LMBR1: variants seen among roughly 807,000 people sequenced by gnomAD.
LMBR1 encodes the protein limb development membrane protein 1.
In LMBR1, 52 loss-of-function variants were observed where a neutral mutation model predicts 73.9. That is an observed-to-expected ratio of 0.70 (90% CI 0.56 to 0.89). The LOEUF is 0.89. LMBR1 is among the 40% of genes least tolerant of loss of function. The probability of loss-of-function intolerance (pLI) is 0.00; values close to 1 mark genes in which losing one functional copy is unlikely to be tolerated. For synonymous variants in LMBR1, 215 were observed against 209.4 expected, an observed-to-expected ratio of 1.03 and a Z score of -0.23; for missense variants, 539 against 579.8, an observed-to-expected ratio of 0.93 and a Z score of 0.72.
At chr7:156,700,158 G>A (rs1260455653) in intron 15 of LMBR1, among the ~76,000 whole-genome samples, 12 of 152,144 alleles carry the variant, frequency 7.9e-5, no homozygotes, top group African/African-American at 2.2e-4. Context: ...GTCCAGCAAC[G>A]ATAGACTGGA....
chr7:156,756,959 G>A (rs1024391833), intron 8 of LMBR1, among the ~76,000 whole-genome samples: 2 of 152,114 alleles, frequency 1.3e-5, no homozygotes, highest in African/African-American at 4.8e-5. Context: ...TGGAACTACA[G>A]GCACACACAA....
At chr7:156,798,975 C>T (rs1481885379) in intron 4 of LMBR1, among the ~76,000 whole-genome samples, 1 of 151,022 alleles carries the variant, frequency 6.6e-6, no homozygotes, top group African/African-American at 2.4e-5. Flanking sequence ...AGGCAGATTA[C>T]GAGGTCAGGA....
chr7:156,697,952 T>A (rs776592655), intron 15 of LMBR1, among the ~76,000 whole-genome samples: 1 of 152,318 alleles, frequency 6.6e-6, no homozygotes, highest in Admixed American at 6.5e-5. Context: ...TCTTCACAAT[T>A]TATGTTCCTC....
At chr7:156,702,732 ATG>A (rs1810059850) in intron 15 of LMBR1, among the ~76,000 whole-genome samples, 1 of 152,240 alleles carries the variant, frequency 6.6e-6, no homozygotes, top group Non-Finnish European at 1.5e-5. Context: ...CTCTTAGCAT[ATG>A]ATCCAAGAAA....
intron 9 of LMBR1, among the ~76,000 whole-genome samples, chr7:156,734,971 G>A (rs1817574942): frequency 6.6e-6 from 1 of 152,174 alleles, no homozygotes; most frequent in Non-Finnish European, 1.5e-5. Context: ...TCAATTATAT[G>A]TCCAAGTTGA....
chr7:156,880,516 A>T (rs548191232), intron 1 of LMBR1, among the ~76,000 whole-genome samples: 5 of 149,262 alleles, frequency 3.3e-5, no homozygotes, highest in African/African-American at 7.4e-5. Flanking sequence ...ATTTAAAAAT[A>T]AAAAAAAAAG....
Position 156,715,890 on chromosome 7 carries a change from T to C in LMBR1, c.1225+8222A>G, listed in dbSNP as rs961008479. On this transcript the variant is annotated intron_variant, in intron 15 of 16. Transcript: ENST00000353442. ...TTGTAATGGTCTTTTAAAATATTAA[T>C]AGCAAACCAAAATATTTGGTCAGAA... is the stretch of plus-strand genomic sequence containing the variant. Among the ~76,000 whole-genome samples, 4 of 152,272 alleles carry C rather than the reference T, an allele frequency of 2.6e-5. No homozygotes were observed. In the East Asian group the frequency reaches 5.8e-4, roughly 22 times the overall value.
At chr7:156,853,203 G>C (rs950777835) in intron 1 of LMBR1, among the ~76,000 whole-genome samples, 1 of 152,110 alleles carries the variant, frequency 6.6e-6, no homozygotes, top group Non-Finnish European at 1.5e-5. Context: ...CTCCCAAAGT[G>C]CTGGAATTAC....
Position 156,724,186 on chromosome 7 carries a change from G to A in LMBR1, c.1159-8C>T. 1 of 1,605,076 alleles carries A rather than the reference G, an allele frequency of 6.2e-7. No homozygotes were observed. Among genetic ancestry groups the A allele is most frequent in the Non-Finnish European group, 8.5e-7 (1 of 1,174,162 alleles). On this transcript the variant is annotated splice_polypyrimidine_tract_variant and splice_region_variant and intron_variant, in intron 14 of 16. Transcript: ENST00000353442. Reference sequence around the variant, plus strand: ...CACACAATTTCCAATGATCTGTTATGAGAAACGAGAAAGAATATTGGGCAG... The same window carrying A: ...CACACAATTTCCAATGATCTGTTATAAGAAACGAGAAAGAATATTGGGCAG...
intron 1 of LMBR1, among the ~76,000 whole-genome samples, chr7:156,860,951 T>G (rs908417442): frequency 6.6e-6 from 1 of 152,216 alleles, no homozygotes; most frequent in African/African-American, 2.4e-5. Context: ...TAGCATTGAG[T>G]GTCTGCAGCT....
intron 4 of LMBR1, among the ~76,000 whole-genome samples, chr7:156,804,641 T>C (rs1831665567): frequency 6.6e-6 from 1 of 152,202 alleles, no homozygotes; most frequent in Non-Finnish European, 1.5e-5. Flanking sequence ...TTGCCATCTA[T>C]TCATGTCTTT....
intron 15 of LMBR1, among the ~76,000 whole-genome samples, chr7:156,720,683 A>C (rs1814359610): frequency 6.6e-6 from 1 of 151,578 alleles, no homozygotes; most frequent in Non-Finnish European, 1.5e-5. Context: ...AAAGTTAATA[A>C]TAATAAGTCA....
chr7:156,882,013 T>G (rs1425772054), intron 1 of LMBR1, among the ~76,000 whole-genome samples: 1 of 152,224 alleles, frequency 6.6e-6, no homozygotes, highest in Admixed American at 6.5e-5. Flanking sequence ...CTCAAAGAGA[T>G]ATTAGCACTT....
chr7:156,781,189 TA>T (rs1215106874), intron 5 of LMBR1, among the ~76,000 whole-genome samples: 2 of 152,192 alleles, frequency 1.3e-5, no homozygotes, highest in East Asian at 3.8e-4. Context: ...TAAAAGATAT[TA>T]AGTTTTAAAA....
rs769267305 is a variant in LMBR1 at position 156,724,213 on chromosome 7, TA to T, written c.1159-36del. 79 of 1,482,294 alleles carry T rather than the reference TA, an allele frequency of 5.3e-5. 1 individual carries two copies. The highest frequency in any genetic ancestry group is 1.0e-4 in the Admixed American group (6 of 57,860). The allele number at this position is 1,482,294 out of a possible 1,614,324, so 91.8% of individuals were successfully genotyped here. On this transcript the variant is annotated intron_variant, in intron 14 of 16. Coordinates refer to ENST00000353442, the MANE Select transcript of LMBR1 (RefSeq NM_022458.4). ...GAAACGAGAAAGAATATTGGGCAGT[TA>T]AACAGCAGGATGACAATCAAACCCA... is the stretch of plus-strand genomic sequence containing the variant.
chr7:156,768,062 T>C (rs1381040920), intron 5 of LMBR1, among the ~76,000 whole-genome samples: 1 of 152,192 alleles, frequency 6.6e-6, no homozygotes, highest in Non-Finnish European at 1.5e-5. Flanking sequence ...AGCGCTTCAT[T>C]GTTATTATTC....
At chr7:156,841,775 G>A (rs1275639994) in intron 1 of LMBR1, among the ~76,000 whole-genome samples, 2 of 152,010 alleles carry the variant, frequency 1.3e-5, no homozygotes, top group African/African-American at 4.8e-5. Flanking sequence ...TAAGAAAGAA[G>A]AATAGTTGGA....
chr7:156,804,721 T>C (rs560878977), intron 4 of LMBR1, among the ~76,000 whole-genome samples: 6 of 152,244 alleles, frequency 3.9e-5, no homozygotes, highest in African/African-American at 1.4e-4. Flanking sequence ...GTTTGACAAG[T>C]TCTTTATGGG....
downstream of LMBR1, chr7:156,675,590 C>A: frequency 1.2e-6 from 1 of 840,024 alleles, no homozygotes; most frequent in Non-Finnish European, 2.0e-6. Context: ...TATTCGAAGA[C>A]AGAGACGAGG....
Sources: allele counts gnomAD v4.1 joint callset (sites outside exome capture counted in the v4.1 genomes callset), GRCh38; gene constraint gnomAD v4.1.1; transcripts MANE v1.5; gene names NCBI Gene and HGNC (gene_info 2026-07-23, HGNC 2026-07-21).